The following DDX19B variants were observed in gnomAD, a reference collection of about 807,000 sequenced individuals.
The protein encoded by DDX19B is ATP-dependent RNA helicase DDX19B.
Under a neutral mutation model 58.1 loss-of-function variants are expected in DDX19B, and 27 were observed. The observed-to-expected ratio is 0.46, with a 90% CI of 0.34 to 0.64. The LOEUF (loss-of-function observed/expected upper bound fraction) is 0.64. Ranked by LOEUF, DDX19B falls within the 30% of genes least tolerant of loss-of-function variation. The probability of loss-of-function intolerance (pLI) is 0.01; values close to 1 mark genes in which losing one functional copy is unlikely to be tolerated. For missense variants in DDX19B, 399 were observed against 596.5 expected, an observed-to-expected ratio of 0.67 and a Z score of 3.45; for synonymous variants, 187 against 214.4, an observed-to-expected ratio of 0.87 and a Z score of 1.12.
intron 7 of DDX19B, among the ~76,000 whole-genome samples, chr16:70,326,041 C>T (rs1258685847): frequency 2.6e-5 from 4 of 152,180 alleles, no homozygotes; most frequent in East Asian, 3.9e-4. Context: ...TTTGGTTTTT[C>T]GACCAAGATC....
At chr16:70,316,225 TTC>T in intron 4 of DDX19B, 121 bp downstream of exon 4, 5 of 1,405,572 alleles carry the variant, frequency 3.6e-6, no homozygotes, top group Non-Finnish European at 4.8e-6. Flanking sequence ...TTTTTTTTTT[TTC>T]GAGACAGAGT....
At chr16:70,328,964 C>T (rs1963324846) in intron 7 of DDX19B, among the ~76,000 whole-genome samples, 1 of 151,494 alleles carries the variant, frequency 6.6e-6, no homozygotes, top group Admixed American at 6.6e-5. Context: ...TGCCTGTAAT[C>T]CCAGCACTTT....
At position 70,316,070 on chromosome 16, in the gene DDX19B, C is replaced by G. The variant is rs777696853; in HGVS notation, c.262C>G (p.Leu88Val). The stretch of plus-strand genomic sequence containing the variant: ...CCTGCAGCGGGATCCAAACTCCCCT[C>G]TGTACTCGGTGAAGTCTTTTGAAGA... ...EVLQRDPNSP[L>V]YSVKSFEELR... The change falls in exon 4 of 12, where the codon CTG (leucine) becomes GTG (valine). Residue 88 changes from leucine to valine, a missense_variant. By Grantham distance (32) the Leu-to-Val change is conservative (BLOSUM62 1). Transcript: ENST00000288071. 1 of 1,614,140 alleles carries G rather than the reference C, an allele frequency of 6.2e-7. No homozygotes were observed. Among genetic ancestry groups the G allele is most frequent in the Non-Finnish European group, 8.5e-7 (1 of 1,180,044 alleles).
At chr16:70,292,054 G>T (rs1961071803), upstream of DDX19B, among the ~76,000 whole-genome samples, 1 of 152,076 alleles carries the variant, frequency 6.6e-6, no homozygotes, top group Non-Finnish European at 1.5e-5. Context: ...AAGAGGCTGA[G>T]GAAGGAGAAT....
upstream of DDX19B, among the ~76,000 whole-genome samples, chr16:70,296,131 G>C (rs1264644511): frequency 6.6e-6 from 1 of 151,436 alleles, no homozygotes; most frequent in African/African-American, 2.4e-5. Flanking sequence ...AGCCTCCCAA[G>C]TAGCTGGGAT....
At position 70,329,984 on chromosome 16, in the gene DDX19B, G is replaced by A; in HGVS notation, c.939G>A (p.Leu313=). 6.2e-7 allele frequency: 1 copy of A among 1,614,210 alleles called. No homozygotes were observed. Residue 313 remains leucine, a synonymous_variant, in exon 9 of 12, where the codon CTG becomes CTA. Coordinates refer to ENST00000288071, the MANE Select transcript of DDX19B (RefSeq NM_007242.7). The part of the protein sequence containing the change: ...TLDTIKQYYV[L]CSSRDEKFQA... ...ACACCATCAAGCAGTACTATGTCCT[G>A]TGCAGCAGCAGAGACGAGAAGTTCC...
chr16:70,316,368 C>G (rs961874965), intron 4 of DDX19B, among the ~76,000 whole-genome samples: 1 of 152,076 alleles, frequency 6.6e-6, no homozygotes, highest in Non-Finnish European at 1.5e-5. Context: ...CACCACCACG[C>G]CTGGCTACTT....
chr16:70,326,460 GA>G, intron 7 of DDX19B, among the ~76,000 whole-genome samples: 1 of 152,256 alleles, frequency 6.6e-6, no homozygotes, highest in Non-Finnish European at 1.5e-5. Context: ...CTGGGCGACA[GA>G]GCGAGACTCC....
rs1322336497 is a variant in DDX19B, at chr16:70,329,240, A to AAAAG, written c.608-40_608-37dup. On this transcript the variant is annotated intron_variant, in intron 7 of 11. Coordinates refer to ENST00000288071, the MANE Select transcript of DDX19B (RefSeq NM_007242.7). Reference sequence around the variant, plus strand: ...TCTGTCTCAAAAAAAAAAAAAAAAAAAAAGAAAGAAAGAAATACCCACACA... The same window carrying AAAAG: ...TCTGTCTCAAAAAAAAAAAAAAAAAAAAAGAAAGAAAGAAAGAAATACCCACACA... 6.9e-5 allele frequency: 108 copies of AAAAG among 1,564,986 alleles called. No homozygotes were observed. The Middle Eastern group carries it at 6.9e-4, about 10-fold the overall frequency.
rs1283291035 is a variant in DDX19B, at chr16:70,299,267, C to T, written c.-31C>T. The stretch of plus-strand genomic sequence containing the variant: ...CCCTCGTGCCATCCCTCGAATCCAC[C>T]AGCACGAGCGTCCCACCCGCGCCTG... On this transcript the variant is annotated 5_prime_UTR_variant, in exon 1 of 12. Coordinates refer to ENST00000288071, the MANE Select transcript of DDX19B (RefSeq NM_007242.7). 3 of 1,546,884 alleles carry T rather than the reference C, an allele frequency of 1.9e-6. No homozygotes were observed. Among genetic ancestry groups the T allele is most frequent in the African/African-American group, 2.7e-5 (2 of 72,994 alleles).
chr16:70,318,686 C>G (rs1334398897), intron 5 of DDX19B, among the ~76,000 whole-genome samples: 1 of 151,322 alleles, frequency 6.6e-6, no homozygotes, highest in Non-Finnish European at 1.5e-5. Flanking sequence ...AACCCAGCTA[C>G]TTGGGAGGCT....
At chr16:70,317,262 T>A (rs2152200830) in intron 4 of DDX19B, 6 of 243,830 alleles carry the variant, frequency 2.5e-5, no homozygotes, top group East Asian at 1.7e-4. Flanking sequence ...GTACCTGTAA[T>A]CCCAGCTATT....
At chr16:70,310,020 G>A (rs1395281451) in intron 1 of DDX19B, among the ~76,000 whole-genome samples, 4 of 151,802 alleles carry the variant, frequency 2.6e-5, no homozygotes, top group Admixed American at 1.3e-4. Flanking sequence ...GAGGCAGGAG[G>A]ATCGCTTGAG....
chr16:70,330,182 C>T, intron 9 of DDX19B, 114 bp downstream of exon 9: 1 of 1,269,028 alleles, frequency 7.9e-7, no homozygotes, highest in Non-Finnish European at 1.1e-6. Context: ...GTGGTTTGTT[C>T]TCCTAAGGTT....
At chr16:70,296,080 C>A (rs1359835205), upstream of DDX19B, among the ~76,000 whole-genome samples, 4 of 151,108 alleles carry the variant, frequency 2.6e-5, no homozygotes, top group Non-Finnish European at 5.9e-5. Context: ...TCTCAGCTCA[C>A]TGCAACCTCT....
chr16:70,332,792 A>G (rs1383665043), intron 10 of DDX19B, among the ~76,000 whole-genome samples, 176 bp from the exon 11 acceptor site: 1 of 152,036 alleles, frequency 6.6e-6, no homozygotes, highest in Non-Finnish European at 1.5e-5. Context: ...TTGGGGCATC[A>G]TCTGAATCTC....
At chr16:70,332,644 T>C (rs1963538977) in intron 10 of DDX19B, among the ~76,000 whole-genome samples, 2 of 152,150 alleles carry the variant, frequency 1.3e-5, no homozygotes, top group South Asian at 2.1e-4. Flanking sequence ...TGCATTGACT[T>C]ACCTGTGGAC....
At chr16:70,330,089 C>T in intron 9 of DDX19B, 21 bp downstream of exon 9, 1 of 1,613,298 alleles carries the variant, frequency 6.2e-7, no homozygotes, top group Non-Finnish European at 8.5e-7. Context: ...GTGGCAGTGG[C>T]AGGCCTGGCC....
At chr16:70,314,487 C>A (rs1445706535) in intron 2 of DDX19B, among the ~76,000 whole-genome samples, 1 of 151,918 alleles carries the variant, frequency 6.6e-6, no homozygotes, top group Non-Finnish European at 1.5e-5. Flanking sequence ...ATGGTGAAAC[C>A]CTGTCTCTAC....
Sources: gnomAD v4.1 joint callset for allele counts (sites outside exome capture counted in the v4.1 genomes callset) on GRCh38, gnomAD v4.1.1 for gene constraint, MANE v1.5 for transcripts, NCBI Gene and HGNC (gene_info 2026-07-23, HGNC 2026-07-21) for gene names.